TAF13: variants seen among roughly 807,000 people sequenced by gnomAD.
The protein encoded by TAF13 is TATA-box binding protein associated factor 13.
TAF13 carries 9 observed loss-of-function variants against 18.7 expected under a neutral mutation model. That is an observed-to-expected ratio of 0.48 (90% CI 0.29 to 0.84). TAF13 has a LOEUF of 0.84. Ranked by LOEUF, TAF13 falls within the 40% of genes least tolerant of loss-of-function variation. TAF13 has a pLI of 0.08. For synonymous variants in TAF13, 49 were observed against 44.1 expected, an observed-to-expected ratio of 1.11 and a Z score of -0.44; for missense variants, 105 against 146.5, an observed-to-expected ratio of 0.72 and a Z score of 1.46.
In TAF13 at chr1:109,075,977, GCCGGCTGGCTCCCA is replaced by G; in HGVS notation, c.-44_-31del. Reference sequence around the variant, plus strand: ...CTAGCACGCCAACTCACAGCGTCCTGCCGGCTGGCTCCCAGCTGGTTACACTACTTCCGCCGCCT... The same window carrying G: ...CTAGCACGCCAACTCACAGCGTCCTGGCTGGTTACACTACTTCCGCCGCCT... On this transcript the variant is annotated 5_prime_UTR_variant, in exon 1 of 4. Transcript: ENST00000338366. The G allele has an allele frequency of 6.2e-7, 1 of 1,614,158 alleles. No homozygotes were observed. The highest frequency in any genetic ancestry group is 8.5e-7 in the Non-Finnish European group (1 of 1,180,034).
At chr1:109,071,566 T>C (rs1253449882) in intron 2 of TAF13, among the ~76,000 whole-genome samples, 1 of 151,742 alleles carries the variant, frequency 6.6e-6, no homozygotes, top group African/African-American at 2.4e-5. Flanking sequence ...GCTATGATCA[T>C]GCCACTGTAC....
At position 109,074,976 on chromosome 1, in the gene TAF13, A is replaced by C. The variant is rs1664155885; in HGVS notation, c.106+11T>G. On this transcript the variant is annotated intron_variant, in intron 2 of 3. Coordinates refer to ENST00000338366, the MANE Select transcript of TAF13 (RefSeq NM_005645.4). ...TCATCTATAACAAAATCATTGTCAA[A>C]TACTACTTACATTCTTTAGAAAAAA... 1 of 1,585,418 alleles carries C rather than the reference A, an allele frequency of 6.3e-7. No individual in the cohort carries two copies. The highest frequency in any genetic ancestry group is 1.9e-5 in the Admixed American group (1 of 51,698).
At position 109,075,951 on chromosome 1, in the gene TAF13, A is replaced by C; in HGVS notation, c.-4T>G. On this transcript the variant is annotated 5_prime_UTR_variant, in exon 1 of 4. Transcript: ENST00000338366. ...GGTCTTCTTCCTCATCTGCCATCCC[A>C]CTAGCACGCCAACTCACAGCGTCCT... The C allele has an allele frequency of 6.2e-7, 1 of 1,614,114 alleles. No individual in the cohort carries two copies. Among genetic ancestry groups the C allele is most frequent in the Admixed American group, 1.7e-5 (1 of 60,006 alleles).
At chr1:109,074,033 A>G (rs1259153863) in intron 2 of TAF13, among the ~76,000 whole-genome samples, 1 of 151,694 alleles carries the variant, frequency 6.6e-6, no homozygotes, top group Admixed American at 6.6e-5. Context: ...GCATCTGGGA[A>G]GTAAGGAGCC....
Position 109,064,507 on chromosome 1 carries a change from G to T in TAF13, c.*16C>A. 7.1e-7 allele frequency: 1 copy of T among 1,416,468 alleles called. No homozygotes were observed. The highest frequency in any genetic ancestry group is 9.3e-7 in the Non-Finnish European group (1 of 1,076,608). The allele number at this position is 1,416,468 out of a possible 1,614,324, so 87.7% of individuals were successfully genotyped here. ...TGGTTTCCCCAGATGGTAATTTTCGGAAACTACAAAAAGTGTCAAGATCCA... is the reference window on the plus strand; with the variant it reads ...TGGTTTCCCCAGATGGTAATTTTCGTAAACTACAAAAAGTGTCAAGATCCA... On this transcript the variant is annotated 3_prime_UTR_variant, in exon 4 of 4. Coordinates refer to ENST00000338366, the MANE Select transcript of TAF13 (RefSeq NM_005645.4).
chr1:109,075,002 G>C lies in TAF13; in HGVS notation c.91C>G (p.Leu31Val). ...AEGGQGKRKR[L>V]FSKELRCMMY... ...TACTACTTACATTCTTTAGAAAAAA[G>C]TCTCTTTCTTTTACCCTGTCCACCT... Residue 31 changes from leucine to valine, a missense_variant, in exon 2 of 4, where the codon CTT becomes GTT. Leu to Val is a conservative substitution (Grantham distance 32). Coordinates refer to ENST00000338366, the MANE Select transcript of TAF13 (RefSeq NM_005645.4). 3 of 1,598,090 alleles carry C rather than the reference G, an allele frequency of 1.9e-6. No homozygotes were observed. Among genetic ancestry groups the C allele is most frequent in the African/African-American group, 1.4e-5 (1 of 74,066 alleles).
At chr1:109,065,121 T>C (rs1014112291) in intron 3 of TAF13, among the ~76,000 whole-genome samples, 1 of 152,208 alleles carries the variant, frequency 6.6e-6, no homozygotes, top group Non-Finnish European at 1.5e-5. Flanking sequence ...TGTCATTATA[T>C]ACTCACCTGT....
intron 2 of TAF13, among the ~76,000 whole-genome samples, chr1:109,074,355 G>A (rs1030639952): frequency 4.8e-4 from 73 of 152,218 alleles, no homozygotes; most frequent in African/African-American, 1.7e-3. Context: ...GATGTGCTTT[G>A]TTAAACAGAT....
chr1:109,064,156 C>CAAAAAAAAAAAAAAAAAAAAAAAA lies in TAF13; in HGVS notation c.*343_*366dup, dbSNP rs35296800. On this transcript the variant is annotated 3_prime_UTR_variant, in exon 4 of 4. Transcript: ENST00000338366. The stretch of plus-strand genomic sequence containing the variant: ...CTGCCAACATAGTGAGACTCCATCT[C>CAAAAAAAAAAAAAAAAAAAAAAAA]AAAAAAAAAAAAAAAAAAAAAAAAA... 1 of 47,096 alleles carries CAAAAAAAAAAAAAAAAAAAAAAAA rather than the reference C, an allele frequency of 2.1e-5. No homozygotes were observed. 2.9% of individuals were successfully genotyped at this position (47,096 alleles called of 1,614,324 possible). A position where few individuals can be genotyped will look rare whatever the true frequency, so the allele number is the denominator to read the frequency against.
At chr1:109,075,746 T>G (rs1664167393) in intron 1 of TAF13, among the ~76,000 whole-genome samples, 175 bp downstream of exon 1, 1 of 152,186 alleles carries the variant, frequency 6.6e-6, no homozygotes, top group South Asian at 2.1e-4. Context: ...CAAAACCTAC[T>G]CTTCCTTCAT....
chr1:109,071,987 T>C (rs1444571403), intron 2 of TAF13, among the ~76,000 whole-genome samples: 3 of 9,814 alleles, frequency 3.1e-4, no homozygotes, highest in African/African-American at 1.7e-3. Flanking sequence ...CACACATATA[T>C]ATATATATAT....
intron 2 of TAF13, among the ~76,000 whole-genome samples, chr1:109,069,617 A>G (rs1664016519): frequency 6.6e-6 from 1 of 152,128 alleles, no homozygotes; most frequent in Admixed American, 6.6e-5. Flanking sequence ...GACTTGCACA[A>G]TTTATTGTAC....
At chr1:109,067,447 A>C (rs1427126712) in intron 2 of TAF13, among the ~76,000 whole-genome samples, 2 of 151,736 alleles carry the variant, frequency 1.3e-5, no homozygotes, top group African/African-American at 2.4e-5. Context: ...AAAAAAAAAA[A>C]AAAAACACAA....
At chr1:109,067,167 A>G (rs890566623) in intron 2 of TAF13, among the ~76,000 whole-genome samples, 2 of 152,188 alleles carry the variant, frequency 1.3e-5, no homozygotes, top group South Asian at 2.1e-4. Context: ...AATGCAAAGG[A>G]TAAGTCTAGG....
At chr1:109,073,314 C>T (rs1055468009) in intron 2 of TAF13, among the ~76,000 whole-genome samples, 6 of 151,930 alleles carry the variant, frequency 3.9e-5, no homozygotes, top group South Asian at 2.1e-4. Context: ...CCGAGGCAGG[C>T]GGATCACAAG....
chr1:109,074,231 A>T (rs1664139135), intron 2 of TAF13, among the ~76,000 whole-genome samples: 1 of 152,260 alleles, frequency 6.6e-6, no homozygotes, highest in Non-Finnish European at 1.5e-5. Flanking sequence ...TTCTGTACTA[A>T]GAAAAATTCT....
chr1:109,068,540 G>T (rs1663990084), intron 2 of TAF13, among the ~76,000 whole-genome samples: 1 of 151,962 alleles, frequency 6.6e-6, no homozygotes. Flanking sequence ...TAGAGACAGG[G>T]TCCCACCTTG....
chr1:109,073,008 C>T (rs1361278330), intron 2 of TAF13, among the ~76,000 whole-genome samples: 1 of 150,922 alleles, frequency 6.6e-6, no homozygotes. Context: ...GCTGGGATTA[C>T]AGACGTGAGC....
rs112792274 is a variant in TAF13 at position 109,071,097 on chromosome 1, G to A, written c.106+3890C>T. Among the ~76,000 whole-genome samples the A allele has an allele frequency of 1.4e-3, 220 of 152,166 alleles. 1 individual carries two copies. The highest frequency in any genetic ancestry group is 5.0e-3 in the African/African-American group (207 of 41,530). ...GGATCACTTAAGCCTAGGAGTTTGA[G>A]ACCAGTCTGGCCAACATGGTGAAAC... On this transcript the variant is annotated intron_variant, in intron 2 of 3. Coordinates refer to ENST00000338366, the MANE Select transcript of TAF13 (RefSeq NM_005645.4).
Sources: gnomAD v4.1 joint callset for allele counts (sites outside exome capture counted in the v4.1 genomes callset) on GRCh38, gnomAD v4.1.1 for gene constraint, MANE v1.5 for transcripts, NCBI Gene and HGNC (gene_info 2026-07-23, HGNC 2026-07-21) for gene names.